ANKRD30B: variants seen among roughly 807,000 people sequenced by gnomAD.
ANKRD30B encodes ankyrin repeat domain-containing protein 30B.
In ANKRD30B, 144 loss-of-function variants were observed where a neutral mutation model predicts 202.2. That is an observed-to-expected ratio of 0.71 (90% CI 0.62 to 0.82). The LOEUF is 0.82. ANKRD30B is among the 40% of genes least tolerant of loss of function. ANKRD30B has a pLI of 0.00. For synonymous variants in ANKRD30B, 508 were observed against 561.3 expected (o/e 0.91, Z 1.34); for missense variants, 1,487 against 1,669.1 (o/e 0.89, Z 1.90).
At chr18:14,883,393 C>CTATATA in the ANKRD30B span, 1 of 86,528 alleles carries the variant, frequency 1.2e-5, no homozygotes, top group African/African-American at 5.8e-5. Flanking sequence ...CTCTCTCTCT[C>CTATATA]TCTCTCTATA....
intron 34 of ANKRD30B, among the ~76,000 whole-genome samples, chr18:14,833,370 T>C (rs1454726031): frequency 6.6e-6 from 1 of 152,136 alleles, no homozygotes; most frequent in Non-Finnish European, 1.5e-5. Context: ...TGCCTCAGCC[T>C]CCAGAGCAAC....
the ANKRD30B span, among the ~76,000 whole-genome samples, chr18:14,887,128 CA>C: frequency 6.6e-6 from 1 of 152,098 alleles, no homozygotes; most frequent in Admixed American, 6.6e-5. Flanking sequence ...GTTGACCTCC[CA>C]TTGGTGAACA....
In ANKRD30B at chr18:14,748,418, C is replaced by A. The variant is rs1468932295; in HGVS notation, c.-2C>A. The A allele has an allele frequency of 6.0e-6, 9 of 1,492,346 alleles. No homozygotes were observed. The highest frequency in any genetic ancestry group is 7.2e-6 in the Non-Finnish European group (8 of 1,118,670). 92.4% of individuals were successfully genotyped at this position (1,492,346 alleles called of 1,614,324 possible). On this transcript the variant is annotated 5_prime_UTR_variant, in exon 1 of 44. Transcript: ENST00000690538. ...GGCTCTCTCTAGCAGGGGGCTGCAG[C>A]CATGAAGAGGCTCTTAGCTGCCGCT... is the stretch of plus-strand genomic sequence containing the variant.
chr18:14,818,750 C>G (rs1239761513), intron 30 of ANKRD30B, among the ~76,000 whole-genome samples: 1 of 151,972 alleles, frequency 6.6e-6, no homozygotes, highest in Non-Finnish European at 1.5e-5. Context: ...TTTTCTTAAT[C>G]CAGTCTATCA....
chr18:14,920,455 G>A, the ANKRD30B span, among the ~76,000 whole-genome samples: 1 of 152,136 alleles, frequency 6.6e-6, no homozygotes, highest in South Asian at 2.1e-4. Context: ...ATAGTGTCTA[G>A]AAAGACACAC....
At chr18:14,926,555 C>A in the ANKRD30B span, among the ~76,000 whole-genome samples, 1 of 152,120 alleles carries the variant, frequency 6.6e-6, no homozygotes, top group African/African-American at 2.4e-5. Flanking sequence ...TGTGGATGGG[C>A]AAATTTATAA....
chr18:14,819,462 CCTAGGTTTTCTT>C (rs1970294932), intron 30 of ANKRD30B, among the ~76,000 whole-genome samples: 1 of 149,798 alleles, frequency 6.7e-6, no homozygotes, highest in Non-Finnish European at 1.5e-5. Flanking sequence ...AATGGTAATG[CCTAGGTTTTCTT>C]CTAGGGTTTT....
chr18:14,781,321 G>C (rs571552063), intron 11 of ANKRD30B, among the ~76,000 whole-genome samples: 6 of 124,380 alleles, frequency 4.8e-5, no homozygotes, highest in Non-Finnish European at 9.6e-5. Context: ...TTGAGACAGA[G>C]TTTCGCTCAG....
intron 9 of ANKRD30B, among the ~76,000 whole-genome samples, chr18:14,772,908 A>G (rs1323140892): frequency 6.6e-6 from 1 of 152,014 alleles, no homozygotes; most frequent in Non-Finnish European, 1.5e-5. Flanking sequence ...CTTGAGCCCA[A>G]GAGTTTGAGA....
At chr18:14,874,381 A>G in the ANKRD30B span, among the ~76,000 whole-genome samples, 1 of 152,168 alleles carries the variant, frequency 6.6e-6, no homozygotes, top group Non-Finnish European at 1.5e-5. Context: ...TGACTAACTC[A>G]TGGCTATGAG....
the ANKRD30B span, among the ~76,000 whole-genome samples, chr18:14,914,290 G>A: frequency 6.6e-6 from 1 of 152,182 alleles, no homozygotes; most frequent in Non-Finnish European, 1.5e-5. Flanking sequence ...AGATTCCTGA[G>A]TTATGAGTAA....
chr18:14,845,123 C>A lies in ANKRD30B; in HGVS notation c.3181+2027C>A, dbSNP rs2994496. Among the ~76,000 whole-genome samples the A allele has an allele frequency of 5.8e-4, 88 of 151,968 alleles. 1 individual carries two copies. The South Asian group carries it at 0.017, about 29-fold the overall frequency. The stretch of plus-strand genomic sequence containing the variant: ...AGGTCCCATTTGTCAATTTTAGCTT[C>A]TGTTGCCATGGCTTTTGATGTTTTA... On this transcript the variant is annotated intron_variant, in intron 39 of 43. Coordinates refer to ENST00000690538, the MANE Select transcript of ANKRD30B (RefSeq NM_001367607.2).
At position 14,810,151 on chromosome 18, in the gene ANKRD30B, A is replaced by G. The variant is rs1439930994; in HGVS notation, c.2459A>G (p.Glu820Gly). 6 of 1,475,538 alleles carry G rather than the reference A, an allele frequency of 4.1e-6. No individual in the cohort carries two copies. Among genetic ancestry groups the G allele is most frequent in the Non-Finnish European group, 5.5e-6 (6 of 1,087,396 alleles). 91.4% of individuals were successfully genotyped at this position (1,475,538 alleles called of 1,614,324 possible). The change falls in exon 28 of 44, where the codon GAA (glutamate) becomes GGA (glycine). Residue 820 changes from glutamate (E) to glycine (G), a missense_variant. Transcript: ENST00000690538. ...GTTTCTCTTCCAAATAAAGCCTTAG[A>G]ATTAAAGGACAGAGAAACATTAAAA... The part of the protein sequence containing the change: ...RKVSLPNKAL[E>G]LKDRETLKAA...
chr18:14,748,331 G>A lies in ANKRD30B; in HGVS notation c.-89G>A. 1 of 1,147,510 alleles carries A rather than the reference G, an allele frequency of 8.7e-7. No homozygotes were observed. The highest frequency in any genetic ancestry group is 1.2e-6 in the Non-Finnish European group (1 of 849,406). 71.1% of individuals were successfully genotyped at this position (1,147,510 alleles called of 1,614,324 possible). On this transcript the variant is annotated 5_prime_UTR_variant, in exon 1 of 44. Coordinates refer to ENST00000690538, the MANE Select transcript of ANKRD30B (RefSeq NM_001367607.2). ...GTGCGAGCCGGGGGCGGGTGCTGGG[G>A]AAGGGTAAGCGGGAAGCGAGGGCGA...
chr18:14,767,931 T>C (rs1215194066), intron 7 of ANKRD30B, among the ~76,000 whole-genome samples: 1 of 152,206 alleles, frequency 6.6e-6, no homozygotes, highest in Non-Finnish European at 1.5e-5. Context: ...AAATCTATAT[T>C]TGGTCTTCAA....
the ANKRD30B span, among the ~76,000 whole-genome samples, chr18:14,902,913 C>T: frequency 6.6e-6 from 1 of 152,208 alleles, no homozygotes; most frequent in African/African-American, 2.4e-5. Context: ...TGTTACAGGA[C>T]TTGGACCTGG....
chr18:14,806,596 A>G (rs1413577700), intron 24 of ANKRD30B, among the ~76,000 whole-genome samples: 1 of 149,826 alleles, frequency 6.7e-6, no homozygotes, highest in Non-Finnish European at 1.5e-5. Context: ...GGATAATCAG[A>G]TCACATTTTA....
At chr18:14,884,573 T>C in the ANKRD30B span, among the ~76,000 whole-genome samples, 1 of 151,938 alleles carries the variant, frequency 6.6e-6, no homozygotes, top group African/African-American at 2.4e-5. Context: ...ATTATTAGAA[T>C]ATAAATGAAA....
At chr18:14,906,144 G>A in the ANKRD30B span, among the ~76,000 whole-genome samples, 1 of 151,954 alleles carries the variant, frequency 6.6e-6, no homozygotes, top group South Asian at 2.1e-4. Flanking sequence ...AAGAACAGAT[G>A]GTATGCCTGG....
Sources: allele counts gnomAD v4.1 joint callset (sites outside exome capture counted in the v4.1 genomes callset), GRCh38; gene constraint gnomAD v4.1.1; transcripts MANE v1.5; gene names NCBI Gene and HGNC (gene_info 2026-07-23, HGNC 2026-07-21).